CEP128: variants seen among roughly 807,000 people sequenced by gnomAD.
CEP128 encodes centrosomal protein 128, also known as centrosomal protein 128kDa.
A neutral mutation model predicts 156.7 loss-of-function variants in CEP128; 132 were observed. The observed-to-expected ratio is 0.84, with a 90% confidence interval of 0.73 to 0.97. CEP128 has a LOEUF of 0.97. Among genes scored for constraint, CEP128 ranks in the 50% least tolerant of loss-of-function variants. CEP128 has a pLI of 0.00. For synonymous variants in CEP128, 469 were observed against 448.9 expected (o/e 1.04, Z -0.57); for missense variants, 1,252 against 1,281.9 (o/e 0.98, Z 0.36).
intron 21 of CEP128, among the ~76,000 whole-genome samples, chr14:80,555,990 C>T (rs561148996): frequency 6.6e-6 from 1 of 152,202 alleles, no homozygotes; most frequent in Admixed American, 6.5e-5. Flanking sequence ...AGGCATTGAT[C>T]ACAATTTACT....
chr14:80,788,342 AATTTCAGTTTGGAT>A (rs1208952375), intron 14 of CEP128, among the ~76,000 whole-genome samples: 78 of 120,710 alleles, frequency 6.5e-4, no homozygotes, highest in African/African-American at 2.4e-3. Context: ...TGCTTGCACT[AATTTCAGTTTGGAT>A]AAATAATTCA....
At chr14:80,579,050 T>C (rs1891477511) in intron 20 of CEP128, among the ~76,000 whole-genome samples, 2 of 152,198 alleles carry the variant, frequency 1.3e-5, no homozygotes, top group Admixed American at 6.5e-5. Flanking sequence ...TTAATGAGAT[T>C]ACTAGTTCCA....
chr14:80,559,263 A>C lies in CEP128; in HGVS notation c.2880+16T>G. ...AGTAATTCTGATAAAAGGAGAAAGA[A>C]AATGCCCCAACTTACCGTTTCTAAT... is the stretch of plus-strand genomic sequence containing the variant. On this transcript the variant is annotated intron_variant, in intron 21 of 24. Coordinates refer to ENST00000555265, the MANE Select transcript of CEP128 (RefSeq NM_152446.5). The C allele has an allele frequency of 2.5e-6, 4 of 1,604,650 alleles. No individual in the cohort carries two copies. The highest frequency in any genetic ancestry group is 3.4e-6 in the Non-Finnish European group (4 of 1,174,668).
At chr14:80,746,962 C>A (rs1899133269) in intron 18 of CEP128, among the ~76,000 whole-genome samples, 1 of 152,028 alleles carries the variant, frequency 6.6e-6, no homozygotes. Flanking sequence ...TATAAATAGC[C>A]AATAAGCACA....
intron 24 of CEP128, among the ~76,000 whole-genome samples, chr14:80,502,173 G>A (rs1039451236): frequency 6.6e-5 from 10 of 152,204 alleles, no homozygotes; most frequent in African/African-American, 2.4e-4. Context: ...AATAAAAACT[G>A]CTGCTAACAC....
At chr14:80,558,079 A>T (rs969444990) in intron 21 of CEP128, among the ~76,000 whole-genome samples, 1 of 152,174 alleles carries the variant, frequency 6.6e-6, no homozygotes, top group Non-Finnish European at 1.5e-5. Context: ...ATTAAAATCT[A>T]TAATTCTTAT....
intron 8 of CEP128, among the ~76,000 whole-genome samples, chr14:80,878,069 C>T (rs140704833): frequency 1.1e-3 from 173 of 152,246 alleles, no homozygotes; most frequent in Middle Eastern, 3.4e-3. Context: ...AGAGAAGTCT[C>T]CTTCAACACC....
chr14:80,831,224 T>C lies in CEP128; in HGVS notation c.1128A>G (p.Ala376=), dbSNP rs1047516504. 3.1e-6 allele frequency: 5 copies of C among 1,613,870 alleles called. No individual in the cohort carries two copies. Among genetic ancestry groups the C allele is most frequent in the Non-Finnish European group, 4.2e-6 (5 of 1,179,844 alleles). The part of the protein sequence containing the change: ...SDLRVQLNFS[A]MASELEEVKR... Reference sequence around the variant, plus strand: ...TCACTTCCTCTAACTCAGATGCCATTGCGCTGAAGTTCAGCTGCACTCTCA... The same window carrying C: ...TCACTTCCTCTAACTCAGATGCCATCGCGCTGAAGTTCAGCTGCACTCTCA... The change falls in exon 13 of 25, where the codon GCA becomes GCG. Residue 376 remains alanine (A), a synonymous_variant. Transcript: ENST00000555265.
At chr14:80,729,083 G>GTGTGTGTGTC (rs1566881084) in intron 19 of CEP128, among the ~76,000 whole-genome samples, 4 of 66,682 alleles carry the variant, frequency 6.0e-5, no homozygotes, top group African/African-American at 1.4e-4. Context: ...GTGTGTGTGT[G>GTGTGTGTGTC]TGTGTGTGTG....
At chr14:80,660,118 T>C (rs1243724327) in intron 19 of CEP128, among the ~76,000 whole-genome samples, 6 of 152,174 alleles carry the variant, frequency 3.9e-5, no homozygotes, top group African/African-American at 7.2e-5. Context: ...AGCTAGGTTA[T>C]ACCATCATAA....
chr14:80,707,751 T>C (rs920445865), intron 19 of CEP128, among the ~76,000 whole-genome samples: 1 of 152,198 alleles, frequency 6.6e-6, no homozygotes, highest in African/African-American at 2.4e-5. Context: ...ATTTGATTTA[T>C]TCCTCAAGAC....
At chr14:80,920,990 G>C (rs1884828670) in intron 2 of CEP128, among the ~76,000 whole-genome samples, 1 of 152,098 alleles carries the variant, frequency 6.6e-6, no homozygotes. Context: ...TACTGTAATA[G>C]AGGCAAAATA....
At chr14:80,725,804 T>C (rs1396527829) in intron 19 of CEP128, among the ~76,000 whole-genome samples, 3 of 152,228 alleles carry the variant, frequency 2.0e-5, no homozygotes, top group African/African-American at 7.2e-5. Flanking sequence ...AATTAATTTA[T>C]ATGGAATAAT....
intron 8 of CEP128, 101 bp from the exon 9 acceptor site, chr14:80,862,974 C>CATTTAAGATTGTTTTG: frequency 1.4e-6 from 1 of 708,804 alleles, no homozygotes; most frequent in Non-Finnish European, 2.3e-6. Context: ...CTGCTTAAAG[C>CATTTAAGATTGTTTTG]ATTTAAGATT....
chr14:80,591,010 C>A (rs1892036398), intron 19 of CEP128, among the ~76,000 whole-genome samples: 2 of 152,088 alleles, frequency 1.3e-5, no homozygotes, highest in African/African-American at 2.4e-5. Flanking sequence ...GAAGGAAGCA[C>A]TAAATACGGA....
At chr14:80,763,850 C>T (rs1900092383) in intron 16 of CEP128, among the ~76,000 whole-genome samples, 1 of 152,132 alleles carries the variant, frequency 6.6e-6, no homozygotes, top group African/African-American at 2.4e-5. Context: ...TTGGAGGCTA[C>T]TGAGGTGTCC....
At chr14:80,897,739 C>T (rs1889412230) in intron 7 of CEP128, among the ~76,000 whole-genome samples, 1 of 152,094 alleles carries the variant, frequency 6.6e-6, no homozygotes, top group African/African-American at 2.4e-5. Flanking sequence ...CATCAACTCT[C>T]ATATACTAGT....
intron 19 of CEP128, among the ~76,000 whole-genome samples, chr14:80,661,131 TA>T (rs1201308050): frequency 6.6e-6 from 1 of 152,052 alleles, no homozygotes; most frequent in East Asian, 1.9e-4. Flanking sequence ...CTCAATGAAA[TA>T]GAAATATGGG....
intron 19 of CEP128, among the ~76,000 whole-genome samples, chr14:80,634,073 G>T (rs1252471867): frequency 6.6e-6 from 1 of 152,134 alleles, no homozygotes; most frequent in Non-Finnish European, 1.5e-5. Context: ...TAGAAATTTG[G>T]GTCACTAGGG....
Sources: allele counts gnomAD v4.1 joint callset (sites outside exome capture counted in the v4.1 genomes callset), GRCh38; gene constraint gnomAD v4.1.1; transcripts MANE v1.5; gene names NCBI Gene and HGNC (gene_info 2026-07-23, HGNC 2026-07-21).